The following CHRM3 variants were observed in gnomAD, a reference collection of about 807,000 sequenced individuals.
CHRM3 encodes cholinergic receptor muscarinic 3, also known as muscarinic acetylcholine receptor M3.
A neutral mutation model predicts 41.8 loss-of-function variants in CHRM3; 11 were observed. The observed-to-expected ratio is 0.26, with a 90% CI of 0.17 to 0.44. CHRM3 has a LOEUF of 0.44. Ranked by LOEUF, CHRM3 falls within the 20% of genes least tolerant of loss-of-function variation. The pLI is 1.00. For missense variants in CHRM3, 571 were observed against 745.4 expected (o/e 0.77, Z 2.72); for synonymous variants, 297 against 301.4 (o/e 0.99, Z 0.15).
chr1:239,827,884 C>T (rs1380873766), intron 6 of CHRM3, among the ~76,000 whole-genome samples: 1 of 152,090 alleles, frequency 6.6e-6, no homozygotes, highest in Non-Finnish European at 1.5e-5. Context: ...ACTAGAATAC[C>T]TTTAATGTAT....
intron 5 of CHRM3, among the ~76,000 whole-genome samples, chr1:239,797,959 T>G (rs571327350): frequency 6.6e-6 from 1 of 152,192 alleles, no homozygotes; most frequent in African/African-American, 2.4e-5. Flanking sequence ...TGAAGCGGGA[T>G]GATCACTTGA....
intron 5 of CHRM3, among the ~76,000 whole-genome samples, chr1:239,805,046 C>G (rs772628047): frequency 1.3e-5 from 2 of 152,188 alleles, no homozygotes; most frequent in African/African-American, 4.8e-5. Context: ...AATTTCCCTT[C>G]TGGACCTAAA....
At chr1:239,669,988 A>G (rs181594117) in intron 4 of CHRM3, among the ~76,000 whole-genome samples, 17 of 152,316 alleles carry the variant, frequency 1.1e-4, no homozygotes, top group South Asian at 4.1e-4. Flanking sequence ...TTAATATTCA[A>G]TATTAAAGAT....
At chr1:239,565,373 G>T (rs956335856) in intron 3 of CHRM3, among the ~76,000 whole-genome samples, 1 of 152,070 alleles carries the variant, frequency 6.6e-6, no homozygotes, top group African/African-American at 2.4e-5. Context: ...TGGAATGTAG[G>T]TGCTAACTAG....
At position 239,684,816 on chromosome 1, in the gene CHRM3, G is replaced by A. The variant is rs555267682; in HGVS notation, c.-147+6528G>A. ...AGAGAAGGAAAAGAAAAGAGAGGAT[G>A]GCATATGGAGAGAGGATGAGAATTT... On this transcript the variant is annotated intron_variant, in intron 5 of 6. Transcript: ENST00000676153. Among the ~76,000 whole-genome samples, 27 of 144,560 alleles carry A rather than the reference G, an allele frequency of 1.9e-4. No homozygotes were observed. The South Asian group carries it at 5.9e-3, about 32-fold the overall frequency. 94.8% of individuals were successfully genotyped at this position (144,560 alleles called of 152,430 possible).
chr1:239,589,541 A>T (rs72756792), intron 3 of CHRM3, among the ~76,000 whole-genome samples: 15,895 of 148,350 alleles, frequency 0.11, 905 homozygotes, highest in African/African-American at 0.14. Flanking sequence ...AGTTTTATGT[A>T]ATTTCCATGC....
chr1:239,868,068 AC>A (rs1463021410), intron 6 of CHRM3, among the ~76,000 whole-genome samples: 2 of 152,176 alleles, frequency 1.3e-5, no homozygotes, highest in African/African-American at 4.8e-5. Flanking sequence ...CCAGCACCAA[AC>A]ACTTAATTAT....
intron 1 of CHRM3, among the ~76,000 whole-genome samples, chr1:239,404,450 GAAAGAAAGAAAGAAAGAAAA>G (rs1660387987): frequency 7.3e-6 from 1 of 137,616 alleles, no homozygotes; most frequent in Non-Finnish European, 1.6e-5. Context: ...AAGAAAGAAA[GAAAGAAAGAAAGAAAGAAAA>G]AGAAAGAAAG....
At chr1:239,791,742 TA>T (rs1669368407) in intron 5 of CHRM3, among the ~76,000 whole-genome samples, 1 of 152,078 alleles carries the variant, frequency 6.6e-6, no homozygotes, top group African/African-American at 2.4e-5. Context: ...ATTAGGCACA[TA>T]GGCACAGACA....
chr1:239,804,010 A>G (rs1670423038), intron 5 of CHRM3, among the ~76,000 whole-genome samples: 1 of 152,184 alleles, frequency 6.6e-6, no homozygotes, highest in African/African-American at 2.4e-5. Flanking sequence ...TTTACCACTT[A>G]AACTCTGACT....
Position 239,908,587 on chromosome 1 carries a change from A to G in CHRM3, c.1136A>G (p.Asn379Ser), listed in dbSNP as rs753963231. 2.5e-6 allele frequency: 4 copies of G among 1,598,158 alleles called. No individual in the cohort carries two copies. Among genetic ancestry groups the G allele is most frequent in the Non-Finnish European group, 3.4e-6 (4 of 1,172,388 alleles). Residue 379 changes from asparagine (N) to serine (S), a missense_variant, in exon 7 of 7, where the codon AAC (asparagine) becomes AGC (serine). By Grantham distance (46) the Asn-to-Ser change is conservative (BLOSUM62 1). Transcript: ENST00000676153. This position sits in a 1 kb window ranked among gnomAD's most constrained non-coding sequence, Gnocchi z 7.2. Reference sequence around the variant, plus strand: ...CTTCCGGGTCACAGCACCATCCTCAACTCCACCAAGTTACCCTCATCGGAC... The same window carrying G: ...CTTCCGGGTCACAGCACCATCCTCAGCTCCACCAAGTTACCCTCATCGGAC... ...LKLPGHSTILNSTKLPSSDNL... is the reference protein window; with the variant it reads ...LKLPGHSTILSSTKLPSSDNL...
At chr1:239,633,277 G>C (rs972127651) in intron 4 of CHRM3, among the ~76,000 whole-genome samples, 9 of 152,128 alleles carry the variant, frequency 5.9e-5, no homozygotes, top group African/African-American at 1.7e-4. Context: ...AGCTAGGCAT[G>C]ACTTACATAG....
intron 1 of CHRM3, among the ~76,000 whole-genome samples, chr1:239,407,289 C>G (rs1236708438): frequency 6.6e-6 from 1 of 152,008 alleles, no homozygotes; most frequent in Non-Finnish European, 1.5e-5. Flanking sequence ...TCTTCTGAAT[C>G]TGCTGTCCTT....
At chr1:239,577,862 T>C (rs1380105253) in intron 3 of CHRM3, among the ~76,000 whole-genome samples, 2 of 152,172 alleles carry the variant, frequency 1.3e-5, no homozygotes, top group African/African-American at 2.4e-5. Context: ...TGGCATCCTC[T>C]AAAGTGCCCA....
At chr1:239,873,887 A>C (rs1366670252) in intron 6 of CHRM3, among the ~76,000 whole-genome samples, 1 of 151,908 alleles carries the variant, frequency 6.6e-6, no homozygotes, top group Non-Finnish European at 1.5e-5. Flanking sequence ...CTCTCCTCCT[A>C]ACTCTGCCTA....
At chr1:239,556,125 C>G (rs960792309) in intron 3 of CHRM3, among the ~76,000 whole-genome samples, 1 of 152,078 alleles carries the variant, frequency 6.6e-6, no homozygotes, top group Non-Finnish European at 1.5e-5. Flanking sequence ...ACGCATGTAC[C>G]TTTAAAAATA....
chr1:239,617,451 G>A (rs958059486), intron 3 of CHRM3, among the ~76,000 whole-genome samples: 4 of 152,136 alleles, frequency 2.6e-5, no homozygotes, highest in African/African-American at 7.2e-5. Context: ...TTGGCCAGGC[G>A]TGGGAGCTCA....
At chr1:239,864,137 T>C (rs12057288) in intron 6 of CHRM3, among the ~76,000 whole-genome samples, 2,986 of 151,034 alleles carry the variant, frequency 0.02, 97 homozygotes, top group African/African-American at 0.068. Flanking sequence ...CCCAGCTACT[T>C]AGGAGGCCGA....
intron 5 of CHRM3, among the ~76,000 whole-genome samples, chr1:239,787,228 C>T (rs892316471): frequency 2.6e-5 from 4 of 152,204 alleles, no homozygotes; most frequent in African/African-American, 7.2e-5. Flanking sequence ...GTCATCTCAT[C>T]ATGGTATCCA....
Sources: allele counts gnomAD v4.1 joint callset (sites outside exome capture counted in the v4.1 genomes callset), GRCh38; gene constraint gnomAD v4.1.1; non-coding constraint Gnocchi (gnomAD v3.1); transcripts MANE v1.5; gene names NCBI Gene and HGNC (gene_info 2026-07-23, HGNC 2026-07-21).